Variants in MED15 observed in about 807,000 individuals in gnomAD.
The protein encoded by MED15 is mediator of RNA polymerase II transcription subunit 15.
MED15 carries 41 observed loss-of-function variants against 118.7 expected under a neutral mutation model. The observed-to-expected ratio is 0.35, with a 90% CI of 0.27 to 0.45. The LOEUF (loss-of-function observed/expected upper bound fraction) is 0.45, where lower values mean the gene tolerates loss of function less well. Among genes scored for constraint, MED15 ranks in the 20% least tolerant of loss-of-function variants. MED15 has a pLI of 1.00. For missense variants in MED15, 740 were observed against 1,025.5 expected, an observed-to-expected ratio of 0.72 and a Z score of 3.80; for synonymous variants, 436 against 413.9, an observed-to-expected ratio of 1.05 and a Z score of -0.65.
chr22:20,576,904 T>G (rs1160355063), intron 9 of MED15, among the ~76,000 whole-genome samples: 1 of 152,182 alleles, frequency 6.6e-6, no homozygotes, highest in African/African-American at 2.4e-5. Context: ...CAGTATCCAC[T>G]GGGTTCACAG....
intron 15 of MED15, 37 bp from the exon 16 acceptor site, chr22:20,585,064 G>A (rs767626390): frequency 1.7e-5 from 27 of 1,613,278 alleles, no homozygotes; most frequent in Admixed American, 8.3e-5. Flanking sequence ...GCCCTGGGCC[G>A]CGTGTGCCAG....
chr22:20,522,614 C>T (rs562527428), intron 1 of MED15: 1 of 152,282 alleles, frequency 6.6e-6, no homozygotes, highest in South Asian at 2.1e-4. Context: ...GTATGCACTC[C>T]ACCAGTTCTC....
At chr22:20,512,659 T>G (rs2054113035) in intron 1 of MED15, among the ~76,000 whole-genome samples, 1 of 141,134 alleles carries the variant, frequency 7.1e-6, no homozygotes, top group Admixed American at 7.4e-5. Context: ...TGTCACAATC[T>G]CAGCTCACTG....
At chr22:20,531,675 C>T (rs1358763152) in intron 1 of MED15, among the ~76,000 whole-genome samples, 1 of 152,244 alleles carries the variant, frequency 6.6e-6, no homozygotes, top group East Asian at 1.9e-4. Context: ...ATGACAGTAC[C>T]ACTCCTTGTG....
At position 20,566,739 on chromosome 22, in the gene MED15, G is replaced by C. The variant is rs2056456898; in HGVS notation, c.963G>C (p.Gln321His). 6.2e-7 allele frequency: 1 copy of C among 1,614,084 alleles called. No individual in the cohort carries two copies. The highest frequency in any genetic ancestry group is 1.7e-5 in the Admixed American group (1 of 60,000). ...AQNQPSQLPP[Q>H]SQTQPLVSQA... ...ACCAACCATCACAACTCCCGCCACA[G>C]TCGCAGACCCAGCCTTTGGTGTCAC... is the stretch of plus-strand genomic sequence containing the variant. The change falls in exon 7 of 18, where the codon CAG (glutamine) becomes CAC (histidine). Residue 321 changes from glutamine (Q) to histidine (H), a missense_variant. Coordinates refer to ENST00000263205, the MANE Select transcript of MED15 (RefSeq NM_001003891.3).
chr22:20,543,273 G>A lies in MED15; in HGVS notation c.156+6069G>A, dbSNP rs533488989. 5.4e-5 allele frequency among the ~76,000 whole-genome samples: 7 copies of A among 129,234 alleles called. No homozygotes were observed. The East Asian group carries it at 1.2e-3, about 22-fold the overall frequency. The allele number at this position is 129,234 out of a possible 152,430, so 84.8% of individuals were successfully genotyped here. ...CTCGCCCAGGCTGGAGTGCAGTGGC[G>A]TGATCTCAGGTCATTGCAACCTCCG... On this transcript the variant is annotated intron_variant, in intron 2 of 17. Coordinates refer to ENST00000263205, the MANE Select transcript of MED15 (RefSeq NM_001003891.3).
Position 20,566,625 on chromosome 22 carries a change from C to T in MED15, c.849C>T (p.Ser283=), listed in dbSNP as rs757535512. The T allele has an allele frequency of 1.9e-6, 3 of 1,614,122 alleles. No homozygotes were observed. ...PPMQQPQPPP[S]QALPQQLQQM... is the part of the protein sequence containing the mutation. ...TGCAGCAGCCACAGCCTCCGCCCTCCCAGGCTCTGCCCCAGCAGCTGCAGC... is the reference window on the plus strand; with the variant it reads ...TGCAGCAGCCACAGCCTCCGCCCTCTCAGGCTCTGCCCCAGCAGCTGCAGC... The change falls in exon 7 of 18, where the codon TCC becomes TCT. Residue 283 remains serine, a synonymous_variant. Coordinates refer to ENST00000263205, the MANE Select transcript of MED15 (RefSeq NM_001003891.3).
At chr22:20,538,693 G>A (rs528193952) in intron 2 of MED15, among the ~76,000 whole-genome samples, 19 of 150,448 alleles carry the variant, frequency 1.3e-4, no homozygotes, top group Admixed American at 1.1e-3. Context: ...CAACATATGG[G>A]TTTTTTTTGT....
rs1304255410 is a variant in MED15, at chr22:20,535,698, T to A, written c.69-1419T>A. ...CCTCAGCCTCCCGAGTAGCTGGGAC[T>A]ACAGGCGCCTGCCACCATGCCCAGC... On this transcript the variant is annotated intron_variant, in intron 1 of 17. Transcript: ENST00000263205. Among the ~76,000 whole-genome samples the A allele has an allele frequency of 2.0e-5, 3 of 151,092 alleles. No individual in the cohort carries two copies. The East Asian group carries it at 5.9e-4, about 30-fold the overall frequency.
At chr22:20,584,739 T>C in intron 14 of MED15, 116 bp from the exon 15 acceptor site, 1 of 1,291,068 alleles carries the variant, frequency 7.7e-7, no homozygotes, top group Non-Finnish European at 1.1e-6. Context: ...GGGTGGAGGC[T>C]GTGAGAGAGG....
intron 9 of MED15, among the ~76,000 whole-genome samples, chr22:20,575,912 GC>G (rs1253861640): frequency 3.9e-5 from 6 of 152,166 alleles, no homozygotes; most frequent in Non-Finnish European, 5.9e-5. Flanking sequence ...CCAGAACGTG[GC>G]CAATGTGGCC....
rs537565090 is a variant in MED15 at position 20,513,425 on chromosome 22, C to T, written c.68+5679C>T. The stretch of plus-strand genomic sequence containing the variant: ...TCCAGAGTAGCTGGGATTACAGGCA[C>T]CCGCCACCACTCCTGGCTAATTTTT... On this transcript the variant is annotated intron_variant, in intron 1 of 17. Transcript: ENST00000263205. Among the ~76,000 whole-genome samples the T allele has an allele frequency of 2.2e-4, 34 of 151,760 alleles. No homozygotes were observed. The South Asian group carries it at 7.1e-3, about 32-fold the overall frequency.
At chr22:20,551,257 G>A (rs766581211) in intron 2 of MED15, 179 bp from the exon 3 acceptor site, 2 of 741,478 alleles carry the variant, frequency 2.7e-6, no homozygotes, top group Non-Finnish European at 5.0e-6. Flanking sequence ...GGCCAGCCTA[G>A]CTGAGCACTG....
Position 20,583,156 on chromosome 22 carries a change from T to A in MED15, c.1581T>A (p.Ala527=), listed in dbSNP as rs780012871. ...SVMSPAGSSQ[A]EEQQYLDKLK... is the part of the protein sequence containing the mutation. ...TGAGCCCAGCTGGCTCCAGCCAGGC[T>A]GAGGAGCAGCAGTACCTGGACAAGC... Residue 527 remains alanine, a synonymous_variant, in exon 12 of 18, where the codon GCT becomes GCA. Transcript: ENST00000263205. 6.2e-7 allele frequency: 1 copy of A among 1,608,848 alleles called. No homozygotes were observed. Among genetic ancestry groups the A allele is most frequent in the East Asian group, 2.2e-5 (1 of 44,740 alleles).
In MED15 at chr22:20,581,351, T is replaced by G. The variant is rs530369207; in HGVS notation, c.1273-1260T>G. 2.6e-3 allele frequency among the ~76,000 whole-genome samples: 397 copies of G among 152,158 alleles called. 1 individual carries two copies. Among genetic ancestry groups the G allele is most frequent in the African/African-American group, 9.3e-3 (384 of 41,510 alleles). On this transcript the variant is annotated intron_variant, in intron 9 of 17. Coordinates refer to ENST00000263205, the MANE Select transcript of MED15 (RefSeq NM_001003891.3). ...GTGGGCTCTGGGCCTGGTCCCCAAT[T>G]TAAGGAGCTTAGAAAGCAGCTGTCC...
chr22:20,575,166 G>T lies in MED15; in HGVS notation c.1206G>T (p.Pro402=), dbSNP rs201830458. The change falls in exon 9 of 18, where the codon CCG becomes CCT. Residue 402 remains proline, a synonymous_variant. Transcript: ENST00000263205. Reference sequence around the variant, plus strand: ...GGATGCACATAAGAGCCCGGTTCCCGCCTACCACCGCTGTGTCCGCCATCC... The same window carrying T: ...GGATGCACATAAGAGCCCGGTTCCCTCCTACCACCGCTGTGTCCGCCATCC... ...QGGMHIRARF[P]PTTAVSAIPS... The T allele has an allele frequency of 1.2e-6, 2 of 1,614,118 alleles. No homozygotes were observed. The highest frequency in any genetic ancestry group is 2.2e-5 in the East Asian group (1 of 44,892).
intron 1 of MED15, among the ~76,000 whole-genome samples, chr22:20,511,677 A>AT (rs988720567): frequency 1.7e-4 from 25 of 151,376 alleles, no homozygotes; most frequent in African/African-American, 5.6e-4. Flanking sequence ...CTAGACAGCC[A>AT]TTGCAGGGAC....
intron 1 of MED15, among the ~76,000 whole-genome samples, chr22:20,534,756 C>T (rs186915791): frequency 7.1e-4 from 108 of 152,292 alleles, no homozygotes; most frequent in African/African-American, 2.5e-3. Context: ...GTCCTCCCAG[C>T]CCACCCATGC....
intron 5 of MED15, among the ~76,000 whole-genome samples, chr22:20,560,395 G>C (rs972090244): frequency 6.6e-6 from 1 of 152,110 alleles, no homozygotes; most frequent in African/African-American, 2.4e-5. Context: ...CTCCCAAGTA[G>C]CTGGGACTAC....
Sources: allele counts gnomAD v4.1 joint callset (sites outside exome capture counted in the v4.1 genomes callset), GRCh38; gene constraint gnomAD v4.1.1; transcripts MANE v1.5; gene names NCBI Gene and HGNC (gene_info 2026-07-23, HGNC 2026-07-21).